The following GLTP variants were observed in gnomAD, a reference collection of about 807,000 sequenced individuals.
GLTP encodes glycolipid transfer protein.
In GLTP, 22 loss-of-function variants were observed where a neutral mutation model predicts 24.0. The ratio of observed to expected loss-of-function variants is 0.92; its 90% CI spans 0.65 to 1.31. GLTP has a LOEUF of 1.31. Among genes scored for constraint, GLTP ranks in the 50% most tolerant of loss-of-function variants. The pLI is 0.00. For synonymous variants in GLTP, 92 were observed against 115.9 expected (o/e 0.79, Z 1.33); for missense variants, 224 against 276.6 (o/e 0.81, Z 1.35).
At chr12:109,859,824 G>C (rs1457628500) in intron 1 of GLTP, 2 of 153,566 alleles carry the variant, frequency 1.3e-5, no homozygotes, top group Non-Finnish European at 2.9e-5. Flanking sequence ...TTTTCATGAT[G>C]CTGCTGAGGA....
At chr12:109,866,526 A>G (rs907162857) in intron 1 of GLTP, 1 of 152,126 alleles carries the variant, frequency 6.6e-6, no homozygotes, top group Non-Finnish European at 1.5e-5. Flanking sequence ...ATATGAATAT[A>G]CCATCAGCAT....
intron 1 of GLTP, among the ~76,000 whole-genome samples, chr12:109,869,483 G>T (rs1868651476): frequency 7.4e-6 from 1 of 135,040 alleles, no homozygotes; most frequent in Non-Finnish European, 1.5e-5. Flanking sequence ...TTGAGACGGA[G>T]TCTCACTCTG....
At chr12:109,874,001 C>T (rs1868808814) in intron 1 of GLTP, among the ~76,000 whole-genome samples, 1 of 152,248 alleles carries the variant, frequency 6.6e-6, no homozygotes, top group Non-Finnish European at 1.5e-5. Context: ...GTGGCACCCA[C>T]ACCACTTGTC....
At chr12:109,871,506 G>A (rs923730221) in intron 1 of GLTP, among the ~76,000 whole-genome samples, 8 of 152,070 alleles carry the variant, frequency 5.3e-5, no homozygotes, top group African/African-American at 1.2e-4. Flanking sequence ...GACTTCCAAC[G>A]TCTTCCTGTT....
At chr12:109,869,864 G>C (rs1017663208) in intron 1 of GLTP, among the ~76,000 whole-genome samples, 1 of 151,864 alleles carries the variant, frequency 6.6e-6, no homozygotes, top group Non-Finnish European at 1.5e-5. Context: ...CCACCTCCCA[G>C]GTTCGCACCA....
intron 1 of GLTP, among the ~76,000 whole-genome samples, chr12:109,877,050 C>T (rs899719620): frequency 1.3e-5 from 2 of 152,182 alleles, no homozygotes; most frequent in African/African-American, 2.4e-5. Flanking sequence ...GACAGGGTTT[C>T]GCCATGTTGC....
chr12:109,869,013 C>T (rs954799191), intron 1 of GLTP, among the ~76,000 whole-genome samples: 3 of 151,958 alleles, frequency 2.0e-5, no homozygotes, highest in Non-Finnish European at 4.4e-5. Context: ...AAAACTTCAC[C>T]CCCGGGCCAG....
intron 1 of GLTP, among the ~76,000 whole-genome samples, chr12:109,873,526 G>A (rs1485128909): frequency 6.6e-6 from 1 of 151,762 alleles, no homozygotes; most frequent in Non-Finnish European, 1.5e-5. Flanking sequence ...CCCAGCTACT[G>A]GGGAGGCTGA....
chr12:109,869,525 G>A (rs1218880446), intron 1 of GLTP, among the ~76,000 whole-genome samples: 3 of 141,104 alleles, frequency 2.1e-5, no homozygotes, highest in African/African-American at 5.3e-5. Flanking sequence ...GCCTGATCTC[G>A]GCTCACTGCA....
chr12:109,862,018 C>T (rs909546908), intron 1 of GLTP, among the ~76,000 whole-genome samples: 6 of 152,166 alleles, frequency 3.9e-5, no homozygotes, highest in Non-Finnish European at 7.3e-5. Context: ...CTGCAAGCTC[C>T]GGGCATGCTG....
At chr12:109,852,763 G>A in intron 4 of GLTP, 26 bp from the exon 5 acceptor site, 1 of 1,553,062 alleles carries the variant, frequency 6.4e-7, no homozygotes, top group Non-Finnish European at 8.9e-7. Flanking sequence ...AAGGGAGGTA[G>A]GCACAGCGTT....
chr12:109,879,503 G>C (rs1350466781), intron 1 of GLTP, among the ~76,000 whole-genome samples: 1 of 152,066 alleles, frequency 6.6e-6, no homozygotes, highest in Admixed American at 6.6e-5. Flanking sequence ...ACAGGGGAGG[G>C]GCTTCCTCTC....
At position 109,857,430 on chromosome 12, in the gene GLTP, A is replaced by G; in HGVS notation, c.296+96T>C. ...ATCACACTGGAAGGGCTCGGAAGTG[A>G]CCTTCCCAGCCTGAGCTGACACTGC... On this transcript the variant is annotated intron_variant, in intron 3 of 4. Coordinates refer to ENST00000318348, the MANE Select transcript of GLTP (RefSeq NM_016433.4). This position sits in a 1 kb window ranked among gnomAD's most constrained non-coding sequence, Gnocchi z 4.3. 1.5e-6 allele frequency: 2 copies of G among 1,371,578 alleles called. No homozygotes were observed. The highest frequency in any genetic ancestry group is 2.0e-6 in the Non-Finnish European group (2 of 985,932). 85.0% of individuals were successfully genotyped at this position (1,371,578 alleles called of 1,614,324 possible). A position where few individuals can be genotyped will look rare whatever the true frequency, so the allele number is the denominator to read the frequency against.
Position 109,855,538 on chromosome 12 carries a change from G to C in GLTP, c.447+81C>G. 7.8e-7 allele frequency: 1 copy of C among 1,283,512 alleles called. No homozygotes were observed. The highest frequency in any genetic ancestry group is 1.1e-6 in the Non-Finnish European group (1 of 931,698). 79.5% of individuals were successfully genotyped at this position (1,283,512 alleles called of 1,614,324 possible). A position where few individuals can be genotyped will look rare whatever the true frequency, so the allele number is the denominator to read the frequency against. The stretch of plus-strand genomic sequence containing the variant: ...GGGTAAACACAGCCTCACAGGCCAG[G>C]AGGCCTCGGCTAAGCAGGGGCAGAG... On this transcript the variant is annotated intron_variant, in intron 4 of 4. Transcript: ENST00000318348. The surrounding 1 kb of genome is among the most constrained non-coding windows in gnomAD (Gnocchi z 4.1).
chr12:109,868,399 C>T (rs1011324844), intron 1 of GLTP, among the ~76,000 whole-genome samples: 6 of 152,180 alleles, frequency 3.9e-5, no homozygotes, highest in African/African-American at 1.4e-4. Flanking sequence ...TGGAAGTTGC[C>T]ATCCAAGCTG....
Position 109,855,908 on chromosome 12 carries a change from T to C in GLTP, c.297-139A>G, listed in dbSNP as rs1892790331. ...AGGGAGTGGTTATTCCCTAATCATC[T>C]TTCCCTTCTGCTTACAAGTAACGTG... On this transcript the variant is annotated intron_variant, in intron 3 of 4. Coordinates refer to ENST00000318348, the MANE Select transcript of GLTP (RefSeq NM_016433.4). The surrounding 1 kb of genome is among the most constrained non-coding windows in gnomAD (Gnocchi z 4.1). 1 of 611,226 alleles carries C rather than the reference T, an allele frequency of 1.6e-6. No individual in the cohort carries two copies. The highest frequency in any genetic ancestry group is 1.9e-5 in the African/African-American group (1 of 52,548). The allele number at this position is 611,226 out of a possible 1,614,324, so 37.9% of individuals were successfully genotyped here.
intron 1 of GLTP, among the ~76,000 whole-genome samples, chr12:109,877,257 T>C (rs1440285186): frequency 3.3e-5 from 5 of 152,190 alleles, no homozygotes; most frequent in Admixed American, 6.5e-5. Flanking sequence ...TCAAATGTTG[T>C]CAGACAATTG....
rs34869730 is a variant in GLTP, at chr12:109,866,926, A to AT, written c.104-8186dup. Among the ~76,000 whole-genome samples the AT allele has an allele frequency of 2.0e-3, 232 of 118,292 alleles. 2 individuals carry two copies. Among genetic ancestry groups the AT allele is most frequent in the Middle Eastern group, 4.3e-3 (1 of 234 alleles). 77.6% of individuals were successfully genotyped at this position (118,292 alleles called of 152,430 possible). On this transcript the variant is annotated intron_variant, in intron 1 of 4. Coordinates refer to ENST00000318348, the MANE Select transcript of GLTP (RefSeq NM_016433.4). ...AGATGTGCACCACCATGCTGGGCTA[A>AT]TTTTTTTTTTTTTTTTTTTTTTACC...
chr12:109,859,941 A>T (rs897835650), intron 1 of GLTP: 1 of 152,174 alleles, frequency 6.6e-6, no homozygotes. Flanking sequence ...TGAATACAAA[A>T]GCTTTATCTA....
Sources: allele counts gnomAD v4.1 joint callset (sites outside exome capture counted in the v4.1 genomes callset), GRCh38; gene constraint gnomAD v4.1.1; non-coding constraint Gnocchi (gnomAD v3.1); transcripts MANE v1.5; gene names NCBI Gene and HGNC (gene_info 2026-07-23, HGNC 2026-07-21).